MGAM: variants seen among roughly 807,000 people sequenced by gnomAD.
MGAM encodes alpha-1,4-glucosidase.
In MGAM, 253 loss-of-function variants were observed where a neutral mutation model predicts 358.8. That is an observed-to-expected ratio of 0.71 (90% CI 0.64 to 0.78). MGAM has a LOEUF of 0.78. Among genes scored for constraint, MGAM ranks in the 30% least tolerant of loss-of-function variants. MGAM has a pLI of 0.00. For missense variants in MGAM, 3,080 were observed against 3,432.6 expected (o/e 0.90, Z 2.57); for synonymous variants, 1,105 against 1,227.1 (o/e 0.90, Z 2.08).
chr7:142,054,561 C>A (rs1305342688), intron 26 of MGAM, among the ~76,000 whole-genome samples, 193 bp from the exon 27 acceptor site: 1 of 151,898 alleles, frequency 6.6e-6, no homozygotes, highest in Non-Finnish European at 1.5e-5. Flanking sequence ...GTAATAGAGG[C>A]CTTAATAATG....
chr7:142,066,428 A>G lies in MGAM; in HGVS notation c.4771-145A>G, dbSNP rs1319659386. The G allele has an allele frequency of 3.0e-6, 3 of 991,836 alleles. 1 individual carries two copies. The highest frequency in any genetic ancestry group is 4.4e-6 in the Non-Finnish European group (3 of 680,162). 61.4% of individuals were successfully genotyped at this position (991,836 alleles called of 1,614,324 possible). A position where few individuals can be genotyped will look rare whatever the true frequency, so the allele number is the denominator to read the frequency against. The stretch of plus-strand genomic sequence containing the variant: ...GAGCTTTGGTGACTCTTTCCGGTCT[A>G]TTAAGAATATTCTCTGGGCCTCATG... On this transcript the variant is annotated intron_variant, in intron 40 of 70. Coordinates refer to ENST00000475668, the MANE Select transcript of MGAM (RefSeq NM_001365693.1).
chr7:142,103,872 T>G (rs1051976508), intron 70 of MGAM, among the ~76,000 whole-genome samples: 4 of 152,064 alleles, frequency 2.6e-5, no homozygotes, highest in African/African-American at 4.8e-5. Context: ...TTTTTTTTTT[T>G]TTGAGACGGA....
chr7:142,001,171 A>C (rs1403494586), intron 1 of MGAM, among the ~76,000 whole-genome samples: 1 of 152,246 alleles, frequency 6.6e-6, no homozygotes, highest in Non-Finnish European at 1.5e-5. Flanking sequence ...TAGTGGTGAC[A>C]GTCATGGTAA....
At chr7:142,102,535 G>A in intron 68 of MGAM, 95 bp from the exon 69 acceptor site, 2 of 1,185,724 alleles carry the variant, frequency 1.7e-6, no homozygotes, top group Non-Finnish European at 2.4e-6. Flanking sequence ...TCTCAAACAA[G>A]ACAAGTAGGC....
At position 142,021,798 on chromosome 7, in the gene MGAM, A is replaced by G. The variant is rs1267053441; in HGVS notation, c.710+61A>G. 1.9e-6 allele frequency: 3 copies of G among 1,540,748 alleles called. No homozygotes were observed. In the Admixed American group the frequency reaches 5.0e-5, roughly 26 times the overall value. On this transcript the variant is annotated intron_variant, in intron 6 of 70. Coordinates refer to ENST00000475668, the MANE Select transcript of MGAM (RefSeq NM_001365693.1). ...GAAGGTTACAGGGAGGTCTGTAAGC[A>G]TGAAGAAGGGGGTGTTTCAACAATA...
chr7:142,033,069 A>C (rs1807660075), intron 14 of MGAM, among the ~76,000 whole-genome samples, 160 bp downstream of exon 14: 1 of 152,236 alleles, frequency 6.6e-6, no homozygotes, highest in African/African-American at 2.4e-5. Context: ...AAGGAAAATA[A>C]AAACACACTA....
At chr7:142,014,697 T>C (rs1305198967) in intron 3 of MGAM, among the ~76,000 whole-genome samples, 1 of 152,106 alleles carries the variant, frequency 6.6e-6, no homozygotes, top group African/African-American at 2.4e-5. Flanking sequence ...TATATACTTG[T>C]AAATAATAGA....
At position 142,071,036 on chromosome 7, in the gene MGAM, G is replaced by A; in HGVS notation, c.5104G>A (p.Ala1702Thr). The change falls in exon 44 of 71, where the codon GCC becomes ACC. Residue 1702 changes from alanine to threonine, a missense_variant. Ala to Thr is a moderately conservative substitution (Grantham distance 58, BLOSUM62 0). Coordinates refer to ENST00000475668, the MANE Select transcript of MGAM (RefSeq NM_001365693.1). ...NARGEWKTLP[A>T]PLDHINLHVR... ...AAGAGGAGAGTGGAAGACCTTGCCA[G>A]CCCCTCTTGACCACATTAATCTTCA... 1 of 1,556,334 alleles carries A rather than the reference G, an allele frequency of 6.4e-7. No individual in the cohort carries two copies. Among genetic ancestry groups the A allele is most frequent in the Non-Finnish European group, 8.8e-7 (1 of 1,132,546 alleles).
chr7:142,039,218 G>A (rs1308323944), intron 19 of MGAM, among the ~76,000 whole-genome samples: 1 of 149,490 alleles, frequency 6.7e-6, no homozygotes, highest in Non-Finnish European at 1.5e-5. Flanking sequence ...TGATTCTCCT[G>A]CCTCAGCCTC....
At chr7:142,075,169 G>A (rs530155592) in intron 45 of MGAM, among the ~76,000 whole-genome samples, 2 of 146,438 alleles carry the variant, frequency 1.4e-5, no homozygotes, top group African/African-American at 4.8e-5. Context: ...GTTGCGAATG[G>A]CAGAATATTC....
intron 34 of MGAM, among the ~76,000 whole-genome samples, chr7:142,061,381 G>A (rs960006790): frequency 1.6e-4 from 25 of 152,184 alleles, no homozygotes; most frequent in African/African-American, 3.4e-4. Flanking sequence ...CGGGTTTCCT[G>A]GTTCCTACCT....
At chr7:142,099,576 C>A in intron 66 of MGAM, 37 bp from the exon 67 acceptor site, 1 of 1,613,648 alleles carries the variant, frequency 6.2e-7, no homozygotes, top group Non-Finnish European at 8.5e-7. Flanking sequence ...GGGGCCTGTC[C>A]TCTCCTTAGT....
intron 9 of MGAM, 95 bp downstream of exon 9, chr7:142,027,322 C>A: frequency 2.0e-6 from 2 of 1,002,936 alleles, no homozygotes; most frequent in Non-Finnish European, 3.1e-6. Flanking sequence ...CCCACAAAAT[C>A]TGCTGTTACA....
Position 142,066,586 on chromosome 7 carries a change from T to A in MGAM, c.4784T>A (p.Val1595Glu). 1 of 1,555,184 alleles carries A rather than the reference T, an allele frequency of 6.4e-7. No homozygotes were observed. Among genetic ancestry groups the A allele is most frequent in the Non-Finnish European group, 8.8e-7 (1 of 1,132,568 alleles). ...NTIGTRRQDP[V>E]SWDAAFVNIS... The stretch of plus-strand genomic sequence containing the variant: ...TTTCTCCTTTAGAGACAAGACCCTG[T>A]GTCCTGGGATGCTGCTTTTGTGAAT... The change falls in exon 41 of 71, where the codon GTG becomes GAG. Residue 1595 changes from valine to glutamate, a missense_variant. Physicochemically the swap from Val to Glu is moderately radical, Grantham distance 121. This residue lies in a region of MGAM where 134 missense variants were observed against 198.4 expected (regional missense o/e 0.68). Coordinates refer to ENST00000475668, the MANE Select transcript of MGAM (RefSeq NM_001365693.1).
At position 142,055,695 on chromosome 7, in the gene MGAM, G is replaced by A. The variant is rs1278329906; in HGVS notation, c.3452G>A (p.Trp1151Ter). The A allele has an allele frequency of 6.2e-7, 1 of 1,613,742 alleles. No individual in the cohort carries two copies. Among genetic ancestry groups the A allele is most frequent in the Non-Finnish European group, 8.5e-7 (1 of 1,179,860 alleles). Reference protein sequence around the residue: ...SYRRDLEWHTWGMFSRDQPPG... With the variant: ...SYRRDLEWHT The stretch of plus-strand genomic sequence containing the variant: ...AGGAGAGACTTGGAGTGGCACACTT[G>A]GGGGATGTTCTCCCGAGACCAGCCC... The change falls in exon 28 of 71, where the codon TGG becomes TAG. Residue 1151 changes from tryptophan to a stop codon, truncating the protein, a stop_gained. Coordinates refer to ENST00000475668, the MANE Select transcript of MGAM (RefSeq NM_001365693.1). LOFTEE classifies it high-confidence loss of function.
rs751370314 is a variant in MGAM at position 142,065,402 on chromosome 7, C to T, written c.4552C>T (p.Arg1518Cys). The change falls in exon 38 of 71, where the codon CGC becomes TGC. Residue 1518 changes from arginine (R) to cysteine (C), a missense_variant. Physicochemically the swap from Arg to Cys is radical, Grantham distance 180. Coordinates refer to ENST00000475668, the MANE Select transcript of MGAM (RefSeq NM_001365693.1). ...ITRSTFPSSG[R>C]WAGHWLGDNT... The stretch of plus-strand genomic sequence containing the variant: ...CCGCTCCACATTTCCCTCTTCTGGC[C>T]GCTGGGCAGGACATTGGCTGGGAGA... 10 of 1,610,568 alleles carry T rather than the reference C, an allele frequency of 6.2e-6. No homozygotes were observed. The highest frequency in any genetic ancestry group is 4.5e-5 in the East Asian group (2 of 44,726).
Position 142,020,982 on chromosome 7 carries a change from GC to G in MGAM, c.460del (p.Arg154GlyfsTer2). ...NLVNTNAGFT[A>X]RLKNLPSSPV... ...TTTTTCTCCTATGTTAGGATTCACA[GC>G]CCGGTTGAAAAATCTGCCTTCTTCA... is the stretch of plus-strand genomic sequence containing the variant. On this transcript the variant is annotated frameshift_variant, in exon 5 of 71. Transcript: ENST00000475668. LOFTEE classifies it high-confidence loss of function. 3 of 1,611,314 alleles carry G rather than the reference GC, an allele frequency of 1.9e-6. No individual in the cohort carries two copies. The highest frequency in any genetic ancestry group is 2.5e-6 in the Non-Finnish European group (3 of 1,178,078).
chr7:142,048,364 G>A (rs2129028579), intron 22 of MGAM, among the ~76,000 whole-genome samples: 1 of 151,728 alleles, frequency 6.6e-6, no homozygotes, highest in Admixed American at 6.6e-5. Context: ...TAGCCAGGAT[G>A]ATCTCGATCT....
rs565505561 is a variant in MGAM, at chr7:142,047,444, G to T, written c.2499-341G>T. 9.9e-5 allele frequency among the ~76,000 whole-genome samples: 15 copies of T among 152,242 alleles called. No homozygotes were observed. The South Asian group carries it at 1.0e-3, about 11-fold the overall frequency. On this transcript the variant is annotated intron_variant, in intron 21 of 70. Transcript: ENST00000475668. ...GCATCATTGCTAAAGTGATATAACT[G>T]AACCAGTTATTGCCCAAGATTTATT...
Sources: allele counts gnomAD v4.1 joint callset (sites outside exome capture counted in the v4.1 genomes callset), GRCh38; gene constraint gnomAD v4.1.1; regional missense constraint gnomAD v4.1.1; transcripts MANE v1.5; gene names NCBI Gene and HGNC (gene_info 2026-07-23, HGNC 2026-07-21).